Variants in DYNLRB1 observed in about 807,000 individuals in gnomAD.
DYNLRB1 encodes the protein ROBL/LC7-like 1.
DYNLRB1 carries 6 observed loss-of-function variants against 13.5 expected under a neutral mutation model. The ratio of observed to expected loss-of-function variants is 0.44; its 90% CI spans 0.24 to 0.88. The LOEUF (loss-of-function observed/expected upper bound fraction) is 0.88. Among genes scored for constraint, DYNLRB1 ranks in the 40% least tolerant of loss-of-function variants. The pLI is 0.21. For missense variants in DYNLRB1, 93 were observed against 127.2 expected, an observed-to-expected ratio of 0.73 and a Z score of 1.29; for synonymous variants, 43 against 45.0, an observed-to-expected ratio of 0.96 and a Z score of 0.18.
intron 2 of DYNLRB1, chr20:34,529,729 C>CAAAA: frequency 1.6e-5 from 13 of 801,732 alleles, no homozygotes; most frequent in Non-Finnish European, 2.1e-5. Context: ...AACTCGGTCT[C>CAAAA]AAAAAAAAAA....
At position 34,540,644 on chromosome 20, in the gene DYNLRB1, G is replaced by T; in HGVS notation, c.*20G>T. ...GAATAAGCCACTCTCTTGGCTCCCT[G>T]TGTCATTCCTTAATTTAATGCCCCC... is the stretch of plus-strand genomic sequence containing the variant. On this transcript the variant is annotated 3_prime_UTR_variant, in exon 4 of 4. Transcript: ENST00000357156. 6.2e-7 allele frequency: 1 copy of T among 1,612,188 alleles called. No individual in the cohort carries two copies. Among genetic ancestry groups the T allele is most frequent in the Non-Finnish European group, 8.5e-7 (1 of 1,178,680 alleles).
intron 1 of DYNLRB1, among the ~76,000 whole-genome samples, chr20:34,518,986 G>A (rs936798857): frequency 1.3e-5 from 2 of 151,762 alleles, no homozygotes; most frequent in Admixed American, 6.6e-5. Flanking sequence ...TCTGCCTCCC[G>A]GGTTCGAGTG....
At chr20:34,529,500 G>A (rs1046600462) in intron 2 of DYNLRB1, among the ~76,000 whole-genome samples, 5 of 152,222 alleles carry the variant, frequency 3.3e-5, no homozygotes, top group South Asian at 4.2e-4. Context: ...AGGCCGAGGC[G>A]GGCGTATCAC....
intron 1 of DYNLRB1, among the ~76,000 whole-genome samples, chr20:34,525,715 T>C (rs997185076): frequency 4.6e-5 from 7 of 151,700 alleles, no homozygotes; most frequent in African/African-American, 1.7e-4. Context: ...TATGCAAGAG[T>C]AGCCCACCAG....
intron 3 of DYNLRB1, chr20:34,536,344 AGT>A: frequency 3.0e-6 from 3 of 985,232 alleles, no homozygotes; most frequent in Non-Finnish European, 3.6e-6. Context: ...TGCCTGGTTG[AGT>A]GTGTTGACCT....
chr20:34,537,975 C>T (rs114717209), intron 3 of DYNLRB1, among the ~76,000 whole-genome samples: 1 of 134,416 alleles, frequency 7.4e-6, no homozygotes, highest in African/African-American at 2.8e-5. Context: ...GAACCGCCCA[C>T]GTGAACAGGC....
At chr20:34,533,940 C>T (rs538556449) in intron 2 of DYNLRB1, among the ~76,000 whole-genome samples, 2 of 152,274 alleles carry the variant, frequency 1.3e-5, no homozygotes, top group South Asian at 4.2e-4. Context: ...AGTTCAAGAC[C>T]AGCCTGGCAA....
chr20:34,525,180 T>TCC lies in DYNLRB1; in HGVS notation c.4-1079_4-1078dup, dbSNP rs35695347. 1.4e-3 allele frequency among the ~76,000 whole-genome samples: 203 copies of TCC among 146,472 alleles called. 1 individual carries two copies. The highest frequency in any genetic ancestry group is 4.6e-3 in the African/African-American group (184 of 39,772). On this transcript the variant is annotated intron_variant, in intron 1 of 3. Transcript: ENST00000357156. ...TGCTGTCTCCACCCAGTGTTGAGGA[T>TCC]CCCCCCCCCCATTTCTTTTGGTGAA...
intron 1 of DYNLRB1, among the ~76,000 whole-genome samples, chr20:34,519,309 G>C (rs1979521749): frequency 6.6e-6 from 1 of 152,160 alleles, no homozygotes; most frequent in Non-Finnish European, 1.5e-5. Context: ...GTTGGCAGTT[G>C]GGTGTGTTTC....
intron 1 of DYNLRB1, 27 bp downstream of exon 1, chr20:34,516,488 T>C: frequency 6.2e-7 from 1 of 1,611,940 alleles, no homozygotes; most frequent in Non-Finnish European, 8.5e-7. Context: ...GTCTTGTGGC[T>C]GGCGGCCGCC....
At position 34,540,931 on chromosome 20, in the gene DYNLRB1, C is replaced by T; in HGVS notation, c.*307C>T. 2.8e-6 allele frequency: 1 copy of T among 357,922 alleles called. No individual in the cohort carries two copies. Among genetic ancestry groups the T allele is most frequent in the South Asian group, 7.0e-5 (1 of 14,196 alleles). The allele number at this position is 357,922 out of a possible 1,614,324, so 22.2% of individuals were successfully genotyped here. A position where few individuals can be genotyped will look rare whatever the true frequency, so the allele number is the denominator to read the frequency against. On this transcript the variant is annotated 3_prime_UTR_variant, in exon 4 of 4. Transcript: ENST00000357156. ...GTCGCCCTTGGAGAAAGCTGTTTTT[C>T]TTTAACTAAAAATAACCAAAATGCT... is the stretch of plus-strand genomic sequence containing the variant.
In DYNLRB1 at chr20:34,516,440, G is replaced by C; in HGVS notation, c.-19G>C. ...ACTCGCTAAGTGTTCGCTACGCGGG[G>C]CTACCGGATCGGTCGGAAATGGTGA... On this transcript the variant is annotated 5_prime_UTR_variant, in exon 1 of 4. Transcript: ENST00000357156. 1 of 1,613,282 alleles carries C rather than the reference G, an allele frequency of 6.2e-7. No individual in the cohort carries two copies. Among genetic ancestry groups the C allele is most frequent in the Non-Finnish European group, 8.5e-7 (1 of 1,179,578 alleles).
At chr20:34,517,357 C>G (rs996469698) in intron 1 of DYNLRB1, among the ~76,000 whole-genome samples, 1 of 151,970 alleles carries the variant, frequency 6.6e-6, no homozygotes, top group African/African-American at 2.4e-5. Context: ...CAGTTTAGCC[C>G]CTATTGAATG....
In DYNLRB1 at chr20:34,538,051, G is replaced by A. The variant is rs142023181; in HGVS notation, c.248-2530G>A. 6.7e-3 allele frequency among the ~76,000 whole-genome samples: 946 copies of A among 140,348 alleles called. 13 individuals carry two copies. The highest frequency in any genetic ancestry group is 0.024 in the African/African-American group (890 of 37,146). The allele number at this position is 140,348 out of a possible 152,430, so 92.1% of individuals were successfully genotyped here. Reference sequence around the variant, plus strand: ...TGCCCAGGCTGGAGTGCAGTGGTGCGATCATGGCTCTCTGCAGCCTCAGCC... The same window carrying A: ...TGCCCAGGCTGGAGTGCAGTGGTGCAATCATGGCTCTCTGCAGCCTCAGCC... On this transcript the variant is annotated intron_variant, in intron 3 of 3. Coordinates refer to ENST00000357156, the MANE Select transcript of DYNLRB1 (RefSeq NM_014183.4).
chr20:34,528,958 A>G lies in DYNLRB1; in HGVS notation c.79+2615A>G, dbSNP rs532477208. ...TTGCTCAAAGCTTTGATTGCACTCC[A>G]GCACAGAGCAAGACCTTGTCTCTTT... On this transcript the variant is annotated intron_variant, in intron 2 of 3. Coordinates refer to ENST00000357156, the MANE Select transcript of DYNLRB1 (RefSeq NM_014183.4). 1.2e-4 allele frequency among the ~76,000 whole-genome samples: 19 copies of G among 152,198 alleles called. No homozygotes were observed. In the South Asian group the frequency reaches 3.7e-3, roughly 30 times the overall value.
upstream of DYNLRB1, chr20:34,516,360 A>C: frequency 6.5e-7 from 1 of 1,547,102 alleles, no homozygotes; most frequent in Non-Finnish European, 8.8e-7. Flanking sequence ...CCTGATAGGC[A>C]GCTAGAGCTG....
chr20:34,518,820 T>C (rs1979479535), intron 1 of DYNLRB1, among the ~76,000 whole-genome samples: 1 of 152,172 alleles, frequency 6.6e-6, no homozygotes, highest in African/African-American at 2.4e-5. Context: ...AACTGTAGCT[T>C]TCTAGAACCT....
Position 34,529,795 on chromosome 20 carries a change from AC to A in DYNLRB1, c.79+3453del. On this transcript the variant is annotated intron_variant, in intron 2 of 3. Coordinates refer to ENST00000357156, the MANE Select transcript of DYNLRB1 (RefSeq NM_014183.4). Reference sequence around the variant, plus strand: ...CCTGGCAAGCACAGAGCTAGACAGAACGTGCTCCCCAGCCCTGTCTAGTTCT... The same window carrying A: ...CCTGGCAAGCACAGAGCTAGACAGAAGTGCTCCCCAGCCCTGTCTAGTTCT... 3.0e-6 allele frequency: 4 copies of A among 1,343,074 alleles called. No homozygotes were observed. The African/African-American group carries it at 4.6e-5, about 15-fold the overall frequency. The allele number at this position is 1,343,074 out of a possible 1,614,324, so 83.2% of individuals were successfully genotyped here.
At chr20:34,519,339 CA>C (rs1979524202) in intron 1 of DYNLRB1, among the ~76,000 whole-genome samples, 2 of 152,130 alleles carry the variant, frequency 1.3e-5, no homozygotes, top group African/African-American at 4.8e-5. Context: ...GTGTTTGGTG[CA>C]TAAGCACATT....
Sources: allele counts gnomAD v4.1 joint callset (sites outside exome capture counted in the v4.1 genomes callset), GRCh38; gene constraint gnomAD v4.1.1; transcripts MANE v1.5; gene names NCBI Gene and HGNC (gene_info 2026-07-23, HGNC 2026-07-21).